RBM26: variants seen among roughly 807,000 people sequenced by gnomAD.
The protein encoded by RBM26 is RNA-binding protein 26.
In RBM26, 30 loss-of-function variants were observed where a neutral mutation model predicts 123.6. That is an observed-to-expected ratio of 0.24 (90% confidence interval 0.18 to 0.33). The LOEUF is 0.33. Ranked by LOEUF, RBM26 falls within the 10% of genes least tolerant of loss-of-function variation. RBM26 has a pLI of 1.00. For synonymous variants in RBM26, 400 were observed against 404.4 expected (o/e 0.99, Z 0.13); for missense variants, 947 against 1,203.6 (o/e 0.79, Z 3.15).
chr13:79,349,555 A>G (rs1466941087), intron 14 of RBM26, among the ~76,000 whole-genome samples: 1 of 152,246 alleles, frequency 6.6e-6, no homozygotes, highest in East Asian at 1.9e-4. Context: ...TACAAAGTTC[A>G]GCAAAGCTAA....
intron 20 of RBM26, among the ~76,000 whole-genome samples, chr13:79,325,886 T>C (rs1199485939): frequency 6.6e-6 from 1 of 152,196 alleles, no homozygotes; most frequent in Non-Finnish European, 1.5e-5. Context: ...CCATGTTTTA[T>C]CTTTTATACC....
chr13:79,397,353 A>G (rs1455330572), intron 1 of RBM26, among the ~76,000 whole-genome samples: 1 of 152,072 alleles, frequency 6.6e-6, no homozygotes, highest in East Asian at 1.9e-4. Context: ...TAGACTGGAA[A>G]CAAGACATGG....
At chr13:79,377,187 A>G in intron 3 of RBM26, 192 bp downstream of exon 3, 1 of 491,428 alleles carries the variant, frequency 2.0e-6, no homozygotes. Flanking sequence ...TTTGCTTTAT[A>G]TCCTTTTGCT....
At chr13:79,344,629 T>A (rs1364730427) in intron 15 of RBM26, 40 bp downstream of exon 15, 1 of 1,572,934 alleles carries the variant, frequency 6.4e-7, no homozygotes, top group Admixed American at 1.8e-5. Flanking sequence ...AAAGCTTTCC[T>A]ATATGCAAAA....
At position 79,320,656 on chromosome 13, in the gene RBM26, C is replaced by A; in HGVS notation, c.2989G>T (p.Glu997Ter). The A allele has an allele frequency of 6.3e-7, 1 of 1,599,244 alleles. No homozygotes were observed. The highest frequency in any genetic ancestry group is 2.3e-5 in the East Asian group (1 of 44,400). ...DSLLQDDDEE[E>*]EDNESRSWRR ...CAAGAACGAGATTCATTGTCCTCTT[C>A]TTCTTCATCATCATCTTGAAGTAAT... Residue 997 changes from glutamate to a stop codon, truncating the protein, a stop_gained, in exon 22 of 22, where the codon GAA becomes TAA. Coordinates refer to ENST00000438737, the MANE Select transcript of RBM26 (RefSeq NM_001366735.2). LOFTEE classifies it high-confidence loss of function.
intron 1 of RBM26, among the ~76,000 whole-genome samples, chr13:79,388,111 G>A (rs570500577): frequency 2.6e-5 from 4 of 152,254 alleles, no homozygotes; most frequent in Admixed American, 1.3e-4. Flanking sequence ...TCTTCAAAAC[G>A]TTTTATCTAA....
intron 20 of RBM26, among the ~76,000 whole-genome samples, chr13:79,332,297 T>C (rs1444049796): frequency 6.6e-6 from 1 of 152,180 alleles, no homozygotes; most frequent in African/African-American, 2.4e-5. Context: ...TGATAGAACA[T>C]GACAATCTTT....
intron 1 of RBM26, among the ~76,000 whole-genome samples, chr13:79,405,236 G>A (rs1469646425): frequency 6.6e-6 from 1 of 152,212 alleles, no homozygotes; most frequent in East Asian, 1.9e-4. Context: ...GTGAAGAGAG[G>A]TGCAGATGAG....
intron 20 of RBM26, among the ~76,000 whole-genome samples, chr13:79,323,195 A>C (rs2067898409): frequency 6.6e-6 from 1 of 151,246 alleles, no homozygotes; most frequent in African/African-American, 2.4e-5. Context: ...CTGCATTCAA[A>C]TTAGAGTAAC....
chr13:79,345,865 T>C (rs563449840), intron 14 of RBM26, among the ~76,000 whole-genome samples: 2 of 152,138 alleles, frequency 1.3e-5, no homozygotes, highest in African/African-American at 4.8e-5. Flanking sequence ...AAAAAAAGTA[T>C]TGGGTATCTT....
intron 5 of RBM26, 57 bp from the exon 6 acceptor site, chr13:79,369,047 C>A (rs2075615193): frequency 4.5e-6 from 5 of 1,105,370 alleles, no homozygotes; most frequent in East Asian, 2.7e-5. Flanking sequence ...AAAAAAAGTC[C>A]CAGATCTAAG....
At chr13:79,393,025 G>C (rs2078238329) in intron 1 of RBM26, among the ~76,000 whole-genome samples, 1 of 152,114 alleles carries the variant, frequency 6.6e-6, no homozygotes, top group Admixed American at 6.5e-5. Flanking sequence ...GCCACAAAGT[G>C]AGTCTACAGC....
At chr13:79,346,261 G>C (rs990340874) in intron 14 of RBM26, among the ~76,000 whole-genome samples, 2 of 152,162 alleles carry the variant, frequency 1.3e-5, no homozygotes, top group African/African-American at 4.8e-5. Context: ...ATTCAAGAAA[G>C]TGTTAGCCTC....
chr13:79,395,087 C>A (rs1479387620), intron 1 of RBM26, among the ~76,000 whole-genome samples: 1 of 152,208 alleles, frequency 6.6e-6, no homozygotes, highest in African/African-American at 2.4e-5. Flanking sequence ...AGGCATGCCC[C>A]CTTACTGAAA....
intron 1 of RBM26, among the ~76,000 whole-genome samples, chr13:79,379,700 A>G (rs1248202511): frequency 1.3e-5 from 2 of 151,956 alleles, no homozygotes; most frequent in East Asian, 3.9e-4. Flanking sequence ...AAAAAACAGA[A>G]CAAAAAAAAA....
exon 5 of RBM26, chr13:79,312,392 A>C (rs2066919542): frequency 6.6e-6 from 1 of 152,014 alleles, no homozygotes; most frequent in Admixed American, 6.6e-5. Flanking sequence ...AACATTCATT[A>C]AGGTGCTGGA....
intron 4 of RBM26, 138 bp from the exon 5 acceptor site, chr13:79,371,300 T>C: frequency 1.5e-6 from 1 of 674,640 alleles, no homozygotes; most frequent in Non-Finnish European, 2.5e-6. Flanking sequence ...AAACTGAGCT[T>C]AATATTCAGT....
intron 20 of RBM26, among the ~76,000 whole-genome samples, chr13:79,331,896 T>C (rs972133245): frequency 2.6e-5 from 4 of 152,152 alleles, no homozygotes; most frequent in South Asian, 2.1e-4. Flanking sequence ...AATAAGGTAA[T>C]AGGAACCATC....
intron 1 of RBM26, among the ~76,000 whole-genome samples, chr13:79,393,549 G>C (rs1221745470): frequency 6.6e-6 from 1 of 152,186 alleles, no homozygotes; most frequent in East Asian, 1.9e-4. Flanking sequence ...CGCATGACTT[G>C]AGTACATTCC....
Sources: allele counts gnomAD v4.1 joint callset (sites outside exome capture counted in the v4.1 genomes callset), GRCh38; gene constraint gnomAD v4.1.1; transcripts MANE v1.5; gene names NCBI Gene and HGNC (gene_info 2026-07-23, HGNC 2026-07-21).